Variants in GLP2R observed in about 807,000 individuals in gnomAD.
GLP2R encodes the protein glucagon like peptide 2 receptor, also known as glucagon-like peptide 2 receptor.
GLP2R carries 59 observed loss-of-function variants against 68.2 expected under a neutral mutation model. The observed-to-expected ratio is 0.87, with a 90% CI of 0.70 to 1.07. The LOEUF is 1.07. GLP2R is among the 50% of genes least tolerant of loss of function. GLP2R has a pLI of 0.00. For missense variants in GLP2R, 548 were observed against 677.4 expected (o/e 0.81, Z 2.12); for synonymous variants, 270 against 265.4 (o/e 1.02, Z -0.17).
chr17:9,833,384 C>T (rs867346648), intron 1 of GLP2R, among the ~76,000 whole-genome samples: 3 of 152,170 alleles, frequency 2.0e-5, no homozygotes, highest in Admixed American at 6.5e-5. Context: ...GACTTTGGAC[C>T]TGCAGATACC....
chr17:9,886,049 C>T (rs548690417), intron 11 of GLP2R, among the ~76,000 whole-genome samples: 5 of 152,312 alleles, frequency 3.3e-5, no homozygotes, highest in African/African-American at 1.2e-4. Flanking sequence ...ATACTCCTGC[C>T]GTGTTTCTCT....
At chr17:9,888,924 C>T (rs546277739) in intron 12 of GLP2R, among the ~76,000 whole-genome samples, 14 of 152,192 alleles carry the variant, frequency 9.2e-5, no homozygotes, top group Non-Finnish European at 1.9e-4. Flanking sequence ...AACCTCCTCT[C>T]GCCCTACTAC....
chr17:9,828,758 G>A (rs940097740), intron 1 of GLP2R, among the ~76,000 whole-genome samples: 2 of 152,160 alleles, frequency 1.3e-5, no homozygotes, highest in African/African-American at 4.8e-5. Context: ...TTACAACAGC[G>A]GAATCTGCAG....
intron 4 of GLP2R, among the ~76,000 whole-genome samples, chr17:9,847,466 C>T (rs183457761): frequency 2.0e-5 from 3 of 152,190 alleles, no homozygotes. Flanking sequence ...GACGGGGTTT[C>T]ACCATGTTGG....
chr17:9,871,712 A>ACTTT (rs1315337779), intron 10 of GLP2R, among the ~76,000 whole-genome samples: 5 of 136,620 alleles, frequency 3.7e-5, no homozygotes, highest in Admixed American at 7.7e-5. Context: ...GTTATTCTTT[A>ACTTT]CTTTCTTTCT....
At chr17:9,875,143 A>T (rs1428153321) in intron 10 of GLP2R, among the ~76,000 whole-genome samples, 1 of 152,200 alleles carries the variant, frequency 6.6e-6, no homozygotes, top group Non-Finnish European at 1.5e-5. Flanking sequence ...CTGCGCTGGT[A>T]AATCCTACAG....
At chr17:9,853,331 T>G in intron 4 of GLP2R, 1 of 207,748 alleles carries the variant, frequency 4.8e-6, no homozygotes, top group South Asian at 9.6e-5. Flanking sequence ...CGTACTTAGG[T>G]GGGAGAAAAG....
At chr17:9,851,747 A>T (rs999439901) in intron 4 of GLP2R, among the ~76,000 whole-genome samples, 17 of 152,252 alleles carry the variant, frequency 1.1e-4, no homozygotes, top group African/African-American at 4.1e-4. Context: ...AATGAAGAAC[A>T]CTAGAAATAG....
intron 11 of GLP2R, among the ~76,000 whole-genome samples, chr17:9,882,187 C>T (rs2067203163): frequency 2.0e-5 from 3 of 152,198 alleles, no homozygotes; most frequent in Admixed American, 2.0e-4. Flanking sequence ...CTAGTGAAAA[C>T]TAGCAGCTTC....
chr17:9,841,740 G>C (rs904335887), intron 3 of GLP2R, among the ~76,000 whole-genome samples: 1 of 152,180 alleles, frequency 6.6e-6, no homozygotes, highest in Non-Finnish European at 1.5e-5. Context: ...CCCTTTGGTT[G>C]TCCATTCATT....
intron 4 of GLP2R, among the ~76,000 whole-genome samples, chr17:9,843,567 T>A (rs1360908961): frequency 6.6e-6 from 1 of 152,032 alleles, no homozygotes; most frequent in African/African-American, 2.4e-5. Flanking sequence ...CCAGGAAAGG[T>A]TTTTTGGATG....
At chr17:9,845,671 G>C (rs2066830178) in intron 4 of GLP2R, among the ~76,000 whole-genome samples, 1 of 152,028 alleles carries the variant, frequency 6.6e-6, no homozygotes, top group African/African-American at 2.4e-5. Context: ...TAGTTCACTT[G>C]TCATTGTGAG....
At chr17:9,857,311 T>G (rs2066942765) in intron 5 of GLP2R, 112 bp from the exon 6 acceptor site, 1 of 905,678 alleles carries the variant, frequency 1.1e-6, no homozygotes, top group African/African-American at 1.7e-5. Context: ...CTCTGCAGCC[T>G]ATACTATGAC....
At chr17:9,880,357 T>C (rs1439096525) in intron 10 of GLP2R, 21 bp from the exon 11 acceptor site, 2 of 1,545,938 alleles carry the variant, frequency 1.3e-6, no homozygotes, top group South Asian at 2.4e-5. Context: ...CTCTTGACTG[T>C]TATTTGGTTG....
chr17:9,862,121 C>A, intron 9 of GLP2R, 31 bp downstream of exon 9: 1 of 1,522,846 alleles, frequency 6.6e-7, no homozygotes, highest in Non-Finnish European at 9.1e-7. Flanking sequence ...CTCTTTGTCT[C>A]GGAGCCTAGC....
intron 9 of GLP2R, among the ~76,000 whole-genome samples, chr17:9,865,599 G>A (rs1203923636): frequency 6.6e-6 from 1 of 152,142 alleles, no homozygotes; most frequent in Non-Finnish European, 1.5e-5. Context: ...CCACCATGGT[G>A]TTTCCCTCCT....
intron 11 of GLP2R, among the ~76,000 whole-genome samples, chr17:9,885,776 G>A (rs922977291): frequency 6.6e-6 from 1 of 151,834 alleles, no homozygotes; most frequent in Non-Finnish European, 1.5e-5. Context: ...TAGATTCGAG[G>A]GGAGAGAAAA....
chr17:9,857,570 G>C lies in GLP2R; in HGVS notation c.759G>C (p.Leu253=), dbSNP rs1172801708. The change falls in exon 6 of 13, where the codon CTG becomes CTC. Residue 253 remains leucine (L), a synonymous_variant. Transcript: ENST00000262441. The stretch of plus-strand genomic sequence containing the variant: ...ATGAGAATGGGTGGATGTCCTACCT[G>C]TCAGAGGTAATCCCCTTCCCCACTG... ...PDNENGWMSY[L]SEMSTSCRSV... 1 of 1,614,136 alleles carries C rather than the reference G, an allele frequency of 6.2e-7. No homozygotes were observed. The highest frequency in any genetic ancestry group is 1.1e-5 in the South Asian group (1 of 91,084).
intron 9 of GLP2R, chr17:9,866,846 C>T (rs920392999): frequency 2.0e-5 from 3 of 152,172 alleles, no homozygotes; most frequent in African/African-American, 7.2e-5. Context: ...GACATAACCC[C>T]AACTCTAAAA....
Sources: allele counts gnomAD v4.1 joint callset (sites outside exome capture counted in the v4.1 genomes callset), GRCh38; gene constraint gnomAD v4.1.1; transcripts MANE v1.5; gene names NCBI Gene and HGNC (gene_info 2026-07-23, HGNC 2026-07-21).